FMNL2: variants seen among roughly 807,000 people sequenced by gnomAD.
FMNL2 encodes the protein formin like 2.
Under a neutral mutation model 130.2 loss-of-function variants are expected in FMNL2, and 51 were observed. The observed-to-expected ratio is 0.39, with a 90% CI of 0.31 to 0.49. The LOEUF is 0.49. Among genes scored for constraint, FMNL2 ranks in the 20% least tolerant of loss-of-function variants. The pLI is 0.85. For synonymous variants in FMNL2, 465 were observed against 467.1 expected (o/e 1.00, Z 0.06); for missense variants, 977 against 1,316.2 (o/e 0.74, Z 3.99).
At chr2:152,508,232 A>T (rs1692286604) in intron 1 of FMNL2, among the ~76,000 whole-genome samples, 1 of 152,182 alleles carries the variant, frequency 6.6e-6, no homozygotes. Context: ...CCCCCGAGAT[A>T]GGATGGTGTG....
intron 1 of FMNL2, among the ~76,000 whole-genome samples, chr2:152,392,767 T>C (rs1251762213): frequency 6.6e-6 from 1 of 152,208 alleles, no homozygotes; most frequent in Non-Finnish European, 1.5e-5. Context: ...CTGTCACCTA[T>C]TGTCTGCCCT....
chr2:152,453,290 A>G (rs1473631129), intron 1 of FMNL2, among the ~76,000 whole-genome samples: 1 of 152,098 alleles, frequency 6.6e-6, no homozygotes, highest in African/African-American at 2.4e-5. Flanking sequence ...CTGGGCCCTG[A>G]CTGACCCAGT....
chr2:152,506,109 C>T (rs190472733), intron 1 of FMNL2, among the ~76,000 whole-genome samples: 7 of 152,300 alleles, frequency 4.6e-5, no homozygotes, highest in African/African-American at 1.7e-4. Flanking sequence ...ATGTGATAGC[C>T]TGGTTACATG....
At chr2:152,482,218 T>G (rs1368274371) in intron 1 of FMNL2, among the ~76,000 whole-genome samples, 5 of 152,220 alleles carry the variant, frequency 3.3e-5, no homozygotes, top group Non-Finnish European at 5.9e-5. Context: ...TGTACTTAAA[T>G]TAAAAAATAC....
intron 23 of FMNL2, among the ~76,000 whole-genome samples, chr2:152,638,315 G>A (rs1298690069): frequency 6.6e-6 from 1 of 152,186 alleles, no homozygotes; most frequent in Non-Finnish European, 1.5e-5. Context: ...TTACAAGAAG[G>A]CTGTTAGAAG....
intron 1 of FMNL2, among the ~76,000 whole-genome samples, chr2:152,395,902 A>ATGGGGGGGGGGGGGGGGGTGG (rs1685368305): frequency 4.8e-4 from 1 of 2,074 alleles, no homozygotes. Flanking sequence ...TGGGTGGGCC[A>ATGGGGGGGGGGGGGGGGGTGG]GGGGGCGGGG....
At chr2:152,434,556 G>A (rs1465262668) in intron 1 of FMNL2, among the ~76,000 whole-genome samples, 2 of 152,076 alleles carry the variant, frequency 1.3e-5, no homozygotes, top group Non-Finnish European at 2.9e-5. Flanking sequence ...TAGTTTCTGT[G>A]AAGTGATTAG....
intron 4 of FMNL2, among the ~76,000 whole-genome samples, chr2:152,551,142 C>CA (rs1437400863): frequency 6.1e-5 from 6 of 97,858 alleles, no homozygotes; most frequent in African/African-American, 9.7e-5. Flanking sequence ...TCCATCTCAC[C>CA]GAAAAAAAAA....
chr2:152,389,980 A>G (rs1021556180), intron 1 of FMNL2: 2 of 1,424,144 alleles, frequency 1.4e-6, no homozygotes, highest in Non-Finnish European at 2.0e-6. Flanking sequence ...AAAGGCAGAC[A>G]GGCAGAGAGG....
chr2:152,455,670 T>G (rs1688906880), intron 1 of FMNL2, among the ~76,000 whole-genome samples: 1 of 152,204 alleles, frequency 6.6e-6, no homozygotes, highest in Non-Finnish European at 1.5e-5. Context: ...TTTTAAACAT[T>G]ACCATAATTG....
chr2:152,629,614 C>G, intron 18 of FMNL2, 42 bp from the exon 19 acceptor site: 1 of 1,534,748 alleles, frequency 6.5e-7, no homozygotes, highest in Non-Finnish European at 8.8e-7. Flanking sequence ...CCATTTTTAA[C>G]ATGTCTTTTT....
intron 4 of FMNL2, among the ~76,000 whole-genome samples, chr2:152,553,581 T>C (rs1579948136): frequency 6.6e-6 from 1 of 151,888 alleles, no homozygotes; most frequent in East Asian, 1.9e-4. Flanking sequence ...TTTATACTTT[T>C]AACTTATTTT....
intron 6 of FMNL2, among the ~76,000 whole-genome samples, chr2:152,563,700 T>G (rs1249521403): frequency 6.6e-6 from 1 of 152,148 alleles, no homozygotes; most frequent in African/African-American, 2.4e-5. Context: ...CCATCCTCCC[T>G]TTTCTTTTAG....
chr2:152,343,284 A>G (rs550101915), intron 1 of FMNL2, among the ~76,000 whole-genome samples: 4 of 148,826 alleles, frequency 2.7e-5, no homozygotes, highest in Non-Finnish European at 5.9e-5. Context: ...AATGATGTCA[A>G]ATATCAAATA....
At chr2:152,486,790 CTT>C (rs1690851355) in intron 1 of FMNL2, among the ~76,000 whole-genome samples, 1 of 152,054 alleles carries the variant, frequency 6.6e-6, no homozygotes, top group Non-Finnish European at 1.5e-5. Context: ...TTTCTTGTAT[CTT>C]TATCAGATTC....
chr2:152,459,242 C>T (rs1689111410), intron 1 of FMNL2, among the ~76,000 whole-genome samples: 1 of 152,152 alleles, frequency 6.6e-6, no homozygotes, highest in African/African-American at 2.4e-5. Flanking sequence ...ATAACTAGTT[C>T]TTCTTGATGA....
intron 4 of FMNL2, 130 bp from the exon 5 acceptor site, chr2:152,558,610 C>A: frequency 1.3e-6 from 1 of 747,324 alleles, no homozygotes; most frequent in South Asian, 1.8e-5. Flanking sequence ...GTAGTCTAGG[C>A]CTTCCTCCCT....
intron 1 of FMNL2, among the ~76,000 whole-genome samples, chr2:152,495,652 C>CAAAA (rs1491329972): frequency 2.5e-4 from 1 of 3,980 alleles, no homozygotes; most frequent in Non-Finnish European, 1.3e-3. Flanking sequence ...CTCCGTCTCA[C>CAAAA]CAAAAAAAAA....
chr2:152,520,983 G>A (rs1034259460), intron 1 of FMNL2, among the ~76,000 whole-genome samples: 50 of 152,184 alleles, frequency 3.3e-4, no homozygotes, highest in African/African-American at 1.2e-3. Context: ...GAATAGGTGT[G>A]ACTTAGAGTG....
Sources: gnomAD v4.1 joint callset for allele counts (sites outside exome capture counted in the v4.1 genomes callset) on GRCh38, gnomAD v4.1.1 for gene constraint, MANE v1.5 for transcripts, NCBI Gene and HGNC (gene_info 2026-07-23, HGNC 2026-07-21) for gene names.